NSD1: variants seen among roughly 807,000 people sequenced by gnomAD.
The protein encoded by NSD1 is histone-lysine N-methyltransferase, H3 lysine-36 specific.
In NSD1, 26 loss-of-function variants were observed where a neutral mutation model predicts 242.7. The ratio of observed to expected loss-of-function variants is 0.11; its 90% CI spans 0.08 to 0.15. NSD1 has a LOEUF of 0.15. Ranked by LOEUF, NSD1 falls within the 10% of genes least tolerant of loss-of-function variation. The pLI is 1.00. For missense variants in NSD1, 2,495 were observed against 3,272.8 expected (o/e 0.76, Z 5.80); for synonymous variants, 1,106 against 1,178.1 (o/e 0.94, Z 1.25).
intron 5 of NSD1, among the ~76,000 whole-genome samples, chr5:177,214,667 CCTTTT>C (rs142421333): frequency 0.022 from 2,531 of 113,008 alleles, 78 homozygotes; most frequent in African/African-American, 0.077. Context: ...GACAGGATCA[CCTTTT>C]TTTTTTTTTT....
At chr5:177,226,832 G>A (rs1005030051) in intron 5 of NSD1, among the ~76,000 whole-genome samples, 4 of 152,000 alleles carry the variant, frequency 2.6e-5, no homozygotes, top group African/African-American at 9.7e-5. Flanking sequence ...TTTGAGTAAA[G>A]TATGAAATTT....
Position 177,209,632 on chromosome 5 carries a change from T to A in NSD1, c.1237-4T>A. The A allele has an allele frequency of 6.2e-7, 1 of 1,611,286 alleles. No individual in the cohort carries two copies. The highest frequency in any genetic ancestry group is 8.5e-7 in the Non-Finnish European group (1 of 1,177,564). On this transcript the variant is annotated splice_polypyrimidine_tract_variant and splice_region_variant and intron_variant, in intron 4 of 22. Coordinates refer to ENST00000439151, the MANE Select transcript of NSD1 (RefSeq NM_022455.5). ...GATAATTCTTTTTCTCCTTTAAATT[T>A]AAGGTTCCTCAGAAAATTTTGAGTA...
chr5:177,239,721 C>G (rs1000902170), intron 7 of NSD1, 35 bp from the exon 8 acceptor site: 1 of 1,282,500 alleles, frequency 7.8e-7, no homozygotes, highest in Admixed American at 1.7e-5. Context: ...TGCCCAGTTT[C>G]TAAATCATCT....
rs1433952610 is a variant in NSD1, at chr5:177,294,030, A to G, written c.6662A>G (p.Tyr2221Cys). 1.2e-6 allele frequency: 2 copies of G among 1,613,966 alleles called. No homozygotes were observed. Among genetic ancestry groups the G allele is most frequent in the African/African-American group, 1.3e-5 (1 of 74,882 alleles). The change falls in exon 23 of 23, where the codon TAT becomes TGT. Residue 2221 changes from tyrosine (Y) to cysteine (C), a missense_variant. Physicochemically the swap from Tyr to Cys is radical, Grantham distance 194. Transcript: ENST00000439151. ...NPLEPGEIRE[Y>C]VPPPVPLPPG... Reference sequence around the variant, plus strand: ...CTGGAACCTGGGGAGATCCGTGAGTATGTGCCTCCCCCAGTACCGCTGCCT... The same window carrying G: ...CTGGAACCTGGGGAGATCCGTGAGTGTGTGCCTCCCCCAGTACCGCTGCCT...
chr5:177,237,398 A>G (rs1765529028), intron 6 of NSD1, among the ~76,000 whole-genome samples: 1 of 151,876 alleles, frequency 6.6e-6, no homozygotes. Flanking sequence ...GAGACATTAG[A>G]GCAGTCTCTT....
chr5:177,173,273 A>G (rs1033149554), intron 2 of NSD1, among the ~76,000 whole-genome samples: 4 of 142,226 alleles, frequency 2.8e-5, no homozygotes, highest in Non-Finnish European at 6.0e-5. Flanking sequence ...GCCTTGGCGA[A>G]AGAGCTAGAC....
intron 2 of NSD1, among the ~76,000 whole-genome samples, chr5:177,158,293 CTTT>C (rs1429964064): frequency 2.6e-5 from 2 of 77,674 alleles, no homozygotes; most frequent in African/African-American, 9.3e-5. Flanking sequence ...TTCTTTCTTT[CTTT>C]CTTTCTTTTC....
intron 3 of NSD1, among the ~76,000 whole-genome samples, chr5:177,195,459 C>G (rs574932767): frequency 3.9e-4 from 59 of 152,150 alleles, no homozygotes; most frequent in Admixed American, 3.5e-3. Context: ...GGGTGTCTCT[C>G]TCTCTCTCTC....
intron 20 of NSD1, chr5:177,288,553 C>G (rs988630783): frequency 5.1e-6 from 2 of 393,072 alleles, no homozygotes; most frequent in Non-Finnish European, 9.4e-6. Context: ...GGTTAATAAA[C>G]AAATGAAAAA....
At chr5:177,242,567 G>A (rs1367167840) in intron 8 of NSD1, among the ~76,000 whole-genome samples, 1 of 143,232 alleles carries the variant, frequency 7.0e-6, no homozygotes, top group African/African-American at 2.5e-5. Flanking sequence ...TGCTTTTGTT[G>A]TCTAGGCTGG....
Position 177,262,746 on chromosome 5 carries a change from G to A in NSD1, c.5146+2578G>A, listed in dbSNP as rs562174018. 1.2e-4 allele frequency among the ~76,000 whole-genome samples: 19 copies of A among 152,360 alleles called. 1 individual carries two copies. In the South Asian group the frequency reaches 3.9e-3, roughly 32 times the overall value. Reference sequence around the variant, plus strand: ...ATACAAAACTTAGCCAGGCGTGATGGCAGACACCTGTAATCCCAGCTACTT... The same window carrying A: ...ATACAAAACTTAGCCAGGCGTGATGACAGACACCTGTAATCCCAGCTACTT... On this transcript the variant is annotated intron_variant, in intron 14 of 22. Transcript: ENST00000439151.
chr5:177,155,914 A>G (rs1758092557), intron 2 of NSD1, among the ~76,000 whole-genome samples: 2 of 151,848 alleles, frequency 1.3e-5, no homozygotes, highest in Admixed American at 6.6e-5. Flanking sequence ...CATGTCGGCC[A>G]GGCTGGTCTC....
At position 177,260,918 on chromosome 5, in the gene NSD1, TAAC is replaced by T. The variant is rs146651512; in HGVS notation, c.5146+753_5146+755del. The stretch of plus-strand genomic sequence containing the variant: ...GCATTACCATGTAATTGTGTTTTGT[TAAC>T]AAGCAATTTTATACAAATTAATAGA... On this transcript the variant is annotated intron_variant, in intron 14 of 22. Transcript: ENST00000439151. Among the ~76,000 whole-genome samples, 812 of 152,268 alleles carry T rather than the reference TAAC, an allele frequency of 5.3e-3. 6 individuals carry two copies. Among genetic ancestry groups the T allele is most frequent in the Non-Finnish European group, 6.3e-3 (431 of 68,016 alleles).
rs562524862 is a variant in NSD1, at chr5:177,224,916, C to T, written c.3797-10905C>T. On this transcript the variant is annotated intron_variant, in intron 5 of 22. Coordinates refer to ENST00000439151, the MANE Select transcript of NSD1 (RefSeq NM_022455.5). ...TGTGTCTATTGAGAAGACAATTTTG[C>T]GTTTCCCCCTTTATTCTATCCATAT... Among the ~76,000 whole-genome samples the T allele has an allele frequency of 9.3e-4, 141 of 151,898 alleles. 1 individual carries two copies. Among genetic ancestry groups the T allele is most frequent in the Non-Finnish European group, 1.4e-3 (96 of 67,948 alleles).
chr5:177,273,834 T>A (rs763646747), intron 17 of NSD1, 50 bp downstream of exon 17: 5 of 1,180,390 alleles, frequency 4.2e-6, no homozygotes, highest in South Asian at 1.2e-5. Context: ...ATGGAATAGC[T>A]GGCTCTTCCC....
chr5:177,142,063 A>T (rs1581110489), intron 2 of NSD1, among the ~76,000 whole-genome samples: 2 of 152,112 alleles, frequency 1.3e-5, no homozygotes, highest in South Asian at 2.1e-4. Flanking sequence ...CAAACTCCTG[A>T]CCTCAAGTGA....
At position 177,266,039 on chromosome 5, in the gene NSD1, T is replaced by C. The variant is rs942163379; in HGVS notation, c.5147-1523T>C. The C allele has an allele frequency of 4.0e-5, 42 of 1,061,482 alleles. No individual in the cohort carries two copies. In the Admixed American group the frequency reaches 7.0e-4, roughly 18 times the overall value. The allele number at this position is 1,061,482 out of a possible 1,614,324, so 65.8% of individuals were successfully genotyped here. On this transcript the variant is annotated intron_variant, in intron 14 of 22. Transcript: ENST00000439151. Reference sequence around the variant, plus strand: ...GCAAGATATATCGAAGCCATAAACGTTCTCCCACCAGTGGATCTTGTAGTC... The same window carrying C: ...GCAAGATATATCGAAGCCATAAACGCTCTCCCACCAGTGGATCTTGTAGTC...
intron 5 of NSD1, among the ~76,000 whole-genome samples, chr5:177,233,250 G>A (rs182154005): frequency 6.6e-6 from 1 of 151,886 alleles, no homozygotes; most frequent in East Asian, 1.9e-4. Context: ...TTTATTTTTA[G>A]TAGAGATGGG....
intron 3 of NSD1, among the ~76,000 whole-genome samples, chr5:177,193,515 G>A (rs931211066): frequency 4.6e-5 from 7 of 152,038 alleles, no homozygotes; most frequent in Non-Finnish European, 1.5e-5. Context: ...GACCTCAGGT[G>A]ATCCTCCTTC....
Sources: allele counts gnomAD v4.1 joint callset (sites outside exome capture counted in the v4.1 genomes callset), GRCh38; gene constraint gnomAD v4.1.1; transcripts MANE v1.5; gene names NCBI Gene and HGNC (gene_info 2026-07-23, HGNC 2026-07-21).